Variants in ADGRE3 observed in about 807,000 individuals in gnomAD.
The protein encoded by ADGRE3 is EGF-like module receptor 3.
Under a neutral mutation model 80.1 loss-of-function variants are expected in ADGRE3, and 88 were observed. That is an observed-to-expected ratio of 1.10 (90% CI 0.93 to 1.31). The LOEUF is 1.31. Ranked by LOEUF, ADGRE3 falls within the 40% of genes most tolerant of loss-of-function variation. The pLI, the probability that ADGRE3 is intolerant of heterozygous loss-of-function variation, is 0.00. For missense variants in ADGRE3, 715 were observed against 776.5 expected (o/e 0.92, Z 0.94); for synonymous variants, 281 against 294.8 (o/e 0.95, Z 0.48).
rs1599606834 is a variant in ADGRE3 at position 14,628,604 on chromosome 19, C to T, written c.1812+1435G>A. 4 of 237,626 alleles carry T rather than the reference C, an allele frequency of 1.7e-5. No homozygotes were observed. In the East Asian group the frequency reaches 4.4e-4, roughly 26 times the overall value. The allele number at this position is 237,626 out of a possible 1,614,324, so 14.7% of individuals were successfully genotyped here. A position where few individuals can be genotyped will look rare whatever the true frequency, so the allele number is the denominator to read the frequency against. ...GTCACTGTGCCTGGCCCCAGTTTCT[C>T]TTTAACGAGGCAGTTAACCTGCAGT... is the stretch of plus-strand genomic sequence containing the variant. On this transcript the variant is annotated intron_variant, in intron 14 of 15. Transcript: ENST00000253673.
At chr19:14,614,847 G>C (rs539192340), downstream of ADGRE3, among the ~76,000 whole-genome samples, 10 of 150,322 alleles carry the variant, frequency 6.7e-5, no homozygotes, top group Non-Finnish European at 1.5e-4. Flanking sequence ...AACGTGCTGC[G>C]TGCTGGGATT....
At chr19:14,637,970 G>C in intron 11 of ADGRE3, 135 bp downstream of exon 11, 1 of 670,508 alleles carries the variant, frequency 1.5e-6, no homozygotes, top group Non-Finnish European at 2.6e-6. Flanking sequence ...TGCTTTGTTG[G>C]GAAAGAGGTT....
downstream of ADGRE3, among the ~76,000 whole-genome samples, chr19:14,616,184 G>A (rs577116106): frequency 6.3e-4 from 95 of 151,936 alleles, no homozygotes; most frequent in African/African-American, 2.2e-3. Flanking sequence ...TGATCTCCTC[G>A]TGATCTCCAC....
chr19:14,630,156 C>A lies in ADGRE3; in HGVS notation c.1695G>T (p.Trp565Cys). Residue 565 changes from tryptophan to cysteine, a missense_variant, in exon 14 of 16, where the codon TGG becomes TGT. By Grantham distance (215) the Trp-to-Cys change is radical. Transcript: ENST00000253673. ...GACCCACCTGTAGCAAGCCCAGACA[C>A]CATGTGCAGCCCAGGATGAAGAGCT... Reference protein sequence around the residue: ...TAQLFILGCTWCLGLLQVGPA... With the variant: ...TAQLFILGCTCCLGLLQVGPA... 1 of 1,613,380 alleles carries A rather than the reference C, an allele frequency of 6.2e-7. No individual in the cohort carries two copies. Among genetic ancestry groups the A allele is most frequent in the South Asian group, 1.1e-5 (1 of 91,010 alleles).
intron 2 of ADGRE3, among the ~76,000 whole-genome samples, chr19:14,663,938 A>G (rs553941777): frequency 2.0e-5 from 3 of 151,450 alleles, no homozygotes; most frequent in African/African-American, 7.3e-5. Context: ...TCCCTCCCCC[A>G]GCCCCCCACT....
At position 14,663,703 on chromosome 19, in the gene ADGRE3, G is replaced by A. The variant is rs527595964; in HGVS notation, c.77-163C>T. Among the ~76,000 whole-genome samples, 483 of 152,214 alleles carry A rather than the reference G, an allele frequency of 3.2e-3. 2 individuals carry two copies. The highest frequency in any genetic ancestry group is 0.013 in the Admixed American group (197 of 15,296). On this transcript the variant is annotated intron_variant, in intron 2 of 15. Coordinates refer to ENST00000253673, the MANE Select transcript of ADGRE3 (RefSeq NM_032571.5). The stretch of plus-strand genomic sequence containing the variant: ...AAAATACCAAAAATAGCCAGGCGTG[G>A]TGGTGCATGCCTATAATCCTAGCTA...
chr19:14,620,234 T>C (rs1970500137), intron 15 of ADGRE3, among the ~76,000 whole-genome samples: 1 of 151,782 alleles, frequency 6.6e-6, no homozygotes, highest in African/African-American at 2.4e-5. Flanking sequence ...GATTTTTCTG[T>C]AGAGATGGGG....
At chr19:14,617,341 C>CCTTCCTTTCTTTCTTTCTTTCTTT (rs1555752262), downstream of ADGRE3, among the ~76,000 whole-genome samples, 111 of 57,248 alleles carry the variant, frequency 1.9e-3, 2 homozygotes, top group African/African-American at 6.2e-3. Flanking sequence ...TCCCTCCCTC[C>CCTTCCTTTCTTTCTTTCTTTCTTT]CTTTCTTTCT....
chr19:14,663,940 C>T (rs182856607), intron 2 of ADGRE3, among the ~76,000 whole-genome samples: 1 of 152,130 alleles, frequency 6.6e-6, no homozygotes, highest in African/African-American at 2.4e-5. Flanking sequence ...CCTCCCCCAG[C>T]CCCCCACTCC....
At chr19:14,663,090 C>G (rs1305171015) in intron 3 of ADGRE3, among the ~76,000 whole-genome samples, 2 of 151,874 alleles carry the variant, frequency 1.3e-5, no homozygotes, top group African/African-American at 4.8e-5. Context: ...GCAACCTCTG[C>G]CTCCCAGGTT....
the ADGRE3 span, among the ~76,000 whole-genome samples, chr19:14,605,207 C>T: frequency 6.6e-6 from 1 of 151,960 alleles, no homozygotes; most frequent in Non-Finnish European, 1.5e-5. Context: ...AAGCAATTCT[C>T]CTCTCTCAGC....
intron 1 of ADGRE3, 49 bp downstream of exon 1, chr19:14,674,697 C>T (rs1972347333): frequency 2.5e-6 from 4 of 1,592,178 alleles, no homozygotes; most frequent in Middle Eastern, 1.7e-4. Context: ...CAAGTGGTCC[C>T]TGACTGGGGG....
At chr19:14,627,125 C>A (rs1970755629) in intron 14 of ADGRE3, among the ~76,000 whole-genome samples, 1 of 152,116 alleles carries the variant, frequency 6.6e-6, no homozygotes, top group African/African-American at 2.4e-5. Flanking sequence ...GTCCTGTGTG[C>A]ATTGTTTAGG....
the ADGRE3 span, among the ~76,000 whole-genome samples, chr19:14,613,882 C>T: frequency 7.9e-3 from 1,201 of 151,992 alleles, 16 homozygotes; most frequent in African/African-American, 0.028. Flanking sequence ...GACGGCATTT[C>T]GCCACTTTGG....
intron 13 of ADGRE3, among the ~76,000 whole-genome samples, chr19:14,631,091 C>T (rs989942842): frequency 6.6e-5 from 10 of 151,766 alleles, no homozygotes; most frequent in Non-Finnish European, 2.9e-5. Flanking sequence ...AGGCTGGTCT[C>T]GAACGACTGA....
chr19:14,638,577 C>A (rs1971165935), intron 10 of ADGRE3, among the ~76,000 whole-genome samples: 1 of 151,930 alleles, frequency 6.6e-6, no homozygotes, highest in African/African-American at 2.4e-5. Flanking sequence ...TAGTGAGACC[C>A]CATCTCAATT....
chr19:14,604,160 C>T, the ADGRE3 span, among the ~76,000 whole-genome samples: 3 of 152,136 alleles, frequency 2.0e-5, no homozygotes, highest in South Asian at 6.2e-4. Flanking sequence ...GACCTTTCCG[C>T]TCTCTGATTT....
intron 14 of ADGRE3, among the ~76,000 whole-genome samples, chr19:14,626,796 TAG>T (rs1191855715): frequency 6.6e-6 from 1 of 152,184 alleles, no homozygotes; most frequent in African/African-American, 2.4e-5. Flanking sequence ...GGAACTACCT[TAG>T]AGTCAACTTG....
intron 9 of ADGRE3, among the ~76,000 whole-genome samples, chr19:14,642,119 GATGATTGCACGAT>G (rs1971270697): frequency 6.6e-6 from 1 of 152,116 alleles, no homozygotes; most frequent in Non-Finnish European, 1.5e-5. Flanking sequence ...GATGGTGGTT[GATGATTGCACGAT>G]ATGATTGTAC....
Sources: allele counts gnomAD v4.1 joint callset (sites outside exome capture counted in the v4.1 genomes callset), GRCh38; gene constraint gnomAD v4.1.1; transcripts MANE v1.5; gene names NCBI Gene and HGNC (gene_info 2026-07-23, HGNC 2026-07-21).